ME1: variants seen among roughly 807,000 people sequenced by gnomAD.
ME1 encodes malic enzyme 1, also known as NADP-dependent malic enzyme.
ME1 carries 74 observed loss-of-function variants against 66.4 expected under a neutral mutation model. The ratio of observed to expected loss-of-function variants is 1.11; its 90% confidence interval spans 0.92 to 1.35. The LOEUF (loss-of-function observed/expected upper bound fraction) is 1.35, where lower values mean the gene tolerates loss of function less well. Among genes scored for constraint, ME1 ranks in the 40% most tolerant of loss-of-function variants. The pLI is 0.00. For synonymous variants in ME1, 251 were observed against 235.6 expected (o/e 1.07, Z -0.60); for missense variants, 750 against 694.1 (o/e 1.08, Z -0.90).
chr6:83,262,759 T>C (rs556695507), intron 6 of ME1, among the ~76,000 whole-genome samples: 79 of 152,320 alleles, frequency 5.2e-4, no homozygotes, highest in African/African-American at 1.8e-3. Context: ...GTAGTGAGTG[T>C]TGCCATCTAA....
chr6:83,261,083 T>C (rs1032770087), intron 6 of ME1, among the ~76,000 whole-genome samples: 1 of 152,236 alleles, frequency 6.6e-6, no homozygotes, highest in African/African-American at 2.4e-5. Flanking sequence ...ACCAGCTATG[T>C]ATAAGCATTT....
At chr6:83,257,827 C>T (rs1415786238) in intron 6 of ME1, among the ~76,000 whole-genome samples, 1 of 152,088 alleles carries the variant, frequency 6.6e-6, no homozygotes, top group Non-Finnish European at 1.5e-5. Context: ...TCTAAGCAGG[C>T]CTTTAGAAAG....
intron 7 of ME1, among the ~76,000 whole-genome samples, chr6:83,240,864 A>C (rs1790497694): frequency 6.6e-6 from 1 of 152,224 alleles, no homozygotes; most frequent in Non-Finnish European, 1.5e-5. Flanking sequence ...AGAACACAAT[A>C]AACAATAATT....
At chr6:83,279,241 T>A (rs1165299966) in intron 6 of ME1, among the ~76,000 whole-genome samples, 1 of 152,142 alleles carries the variant, frequency 6.6e-6, no homozygotes, top group African/African-American at 2.4e-5. Context: ...AAGGCATATC[T>A]CCCTAAGTTC....
At chr6:83,250,037 T>C (rs147545454) in intron 7 of ME1, among the ~76,000 whole-genome samples, 51 of 152,314 alleles carry the variant, frequency 3.3e-4, no homozygotes, top group African/African-American at 1.2e-3. Flanking sequence ...TCCTGAACTG[T>C]TGAACTCAAG....
chr6:83,274,495 CT>C (rs35110797), intron 6 of ME1, among the ~76,000 whole-genome samples: 1 of 152,096 alleles, frequency 6.6e-6, no homozygotes, highest in Non-Finnish European at 1.5e-5. Flanking sequence ...TACTAAAAAA[CT>C]TTTTTTCAAA....
At chr6:83,328,446 C>T (rs1267710982) in intron 5 of ME1, among the ~76,000 whole-genome samples, 1 of 152,074 alleles carries the variant, frequency 6.6e-6, no homozygotes, top group East Asian at 1.9e-4. Context: ...ACATATATCC[C>T]AGAACTTAAA....
intron 6 of ME1, among the ~76,000 whole-genome samples, chr6:83,281,806 C>CAAAAAAAAA (rs140157932): frequency 3.8e-4 from 5 of 13,284 alleles, no homozygotes; most frequent in South Asian, 4.2e-3. Context: ...ACTCTGTCTC[C>CAAAAAAAAA]AAAAAAAAAA....
intron 3 of ME1, among the ~76,000 whole-genome samples, chr6:83,370,043 CAA>C (rs1476514059): frequency 6.6e-6 from 1 of 151,964 alleles, no homozygotes; most frequent in Non-Finnish European, 1.5e-5. Flanking sequence ...AGAATTATTG[CAA>C]AGAGTTTAAG....
chr6:83,219,622 G>A (rs1790049115), intron 12 of ME1, among the ~76,000 whole-genome samples: 1 of 152,044 alleles, frequency 6.6e-6, no homozygotes, highest in South Asian at 2.1e-4. Context: ...ATGTGAAACA[G>A]GGTCTCACTC....
Position 83,232,215 on chromosome 6 carries a change from G to A in ME1, c.1027-3284C>T, listed in dbSNP as rs117556526. Among the ~76,000 whole-genome samples the A allele has an allele frequency of 7.1e-3, 1,079 of 152,266 alleles. 9 individuals are homozygous for A. The highest frequency in any genetic ancestry group is 0.01 in the Non-Finnish European group (711 of 68,020). ...CCCAATTTACTGGCCTGTTTTTGCT[G>A]TCATGTCATTAGTTTATCAGAGTTG... On this transcript the variant is annotated intron_variant, in intron 9 of 13. Transcript: ENST00000369705.
chr6:83,237,960 C>G (rs1048689368), intron 8 of ME1, 130 bp from the exon 9 acceptor site: 6 of 488,418 alleles, frequency 1.2e-5, no homozygotes, highest in African/African-American at 1.2e-4. Context: ...AGCCAAATAA[C>G]AATTATTTAC....
rs554118825 is a variant in ME1 at position 83,310,742 on chromosome 6, T to C, written c.704+4568A>G. Among the ~76,000 whole-genome samples, 121 of 151,748 alleles carry C rather than the reference T, an allele frequency of 8.0e-4. 1 individual carries two copies. The South Asian group carries it at 0.01, about 13-fold the overall frequency. On this transcript the variant is annotated intron_variant, in intron 6 of 13. Coordinates refer to ENST00000369705, the MANE Select transcript of ME1 (RefSeq NM_002395.6). ...AGAAGTAGAGTAACTATAAGGACAA[T>C]GGGAAAAAAAACACAAAAAGCTCAG... is the stretch of plus-strand genomic sequence containing the variant.
At chr6:83,329,249 C>T (rs1344248046) in intron 5 of ME1, among the ~76,000 whole-genome samples, 1 of 152,180 alleles carries the variant, frequency 6.6e-6, no homozygotes, top group African/African-American at 2.4e-5. Context: ...AACTACCCAA[C>T]ATTAGCACCT....
chr6:83,417,449 C>T (rs1339383793), intron 1 of ME1, among the ~76,000 whole-genome samples: 2 of 152,022 alleles, frequency 1.3e-5, no homozygotes, highest in Non-Finnish European at 2.9e-5. Context: ...GGCGTGATCT[C>T]GGATCATTGC....
At chr6:83,277,640 G>C (rs556047671) in intron 6 of ME1, among the ~76,000 whole-genome samples, 1 of 152,080 alleles carries the variant, frequency 6.6e-6, no homozygotes. Flanking sequence ...GGTGGTTTAC[G>C]CCTGTAATCC....
chr6:83,378,108 T>C (rs543919324), intron 3 of ME1, among the ~76,000 whole-genome samples: 6 of 151,474 alleles, frequency 4.0e-5, no homozygotes, highest in Admixed American at 3.3e-4. Flanking sequence ...ACACGAGCCC[T>C]CCACTGAGCC....
intron 5 of ME1, among the ~76,000 whole-genome samples, chr6:83,316,221 T>C (rs1768026705): frequency 6.6e-6 from 1 of 152,224 alleles, no homozygotes; most frequent in Non-Finnish European, 1.5e-5. Context: ...TACTAGTGTT[T>C]TCTTAAATTT....
intron 6 of ME1, among the ~76,000 whole-genome samples, chr6:83,288,831 T>C (rs1315382141): frequency 6.6e-6 from 1 of 152,194 alleles, no homozygotes; most frequent in East Asian, 1.9e-4. Flanking sequence ...ATTATTTCCT[T>C]GAGCAGTGGT....
Sources: gnomAD v4.1 joint callset for allele counts (sites outside exome capture counted in the v4.1 genomes callset) on GRCh38, gnomAD v4.1.1 for gene constraint, MANE v1.5 for transcripts, NCBI Gene and HGNC (gene_info 2026-07-23, HGNC 2026-07-21) for gene names.